The following RARB variants were observed in gnomAD, a reference collection of about 807,000 sequenced individuals.
RARB encodes the protein retinoic acid receptor beta, also known as HBV-activated protein.
A neutral mutation model predicts 51.9 loss-of-function variants in RARB; 17 were observed. The observed-to-expected ratio is 0.33, with a 90% CI of 0.22 to 0.49. RARB has a LOEUF of 0.49. Among genes scored for constraint, RARB ranks in the 20% least tolerant of loss-of-function variants. RARB has a pLI of 0.99. For synonymous variants in RARB, 215 were observed against 195.4 expected (o/e 1.10, Z -0.84); for missense variants, 369 against 550.8 (o/e 0.67, Z 3.30).
At chr3:25,323,973 T>G (rs1353161163) in intron 5 of RARB, among the ~76,000 whole-genome samples, 1 of 151,926 alleles carries the variant, frequency 6.6e-6, no homozygotes, top group Non-Finnish European at 1.5e-5. Flanking sequence ...TCTGCTAAAC[T>G]AGAAAGCAAA....
chr3:25,153,693 G>A (rs1365910129), intron 4 of RARB, among the ~76,000 whole-genome samples: 1 of 152,208 alleles, frequency 6.6e-6, no homozygotes, highest in Admixed American at 6.5e-5. Context: ...CATTAACAAT[G>A]CATATTATGT....
Position 25,007,600 on chromosome 3 carries a change from AAAAAC to A in RARB, c.-379-52520_-379-52516del, listed in dbSNP as rs1476624930. On this transcript the variant is annotated intron_variant, in intron 2 of 11. Transcript: ENST00000383772. ...ACAGAGTGAGACTGTCTCAAAAAAA[AAAAAC>A]AAAAAAACCTCATATTTTCTGAAAG... 4.2e-5 allele frequency among the ~76,000 whole-genome samples: 6 copies of A among 143,258 alleles called. 1 individual carries two copies. Among genetic ancestry groups the A allele is most frequent in the African/African-American group, 1.6e-4 (6 of 36,392 alleles). 94.0% of individuals were successfully genotyped at this position (143,258 alleles called of 152,430 possible).
intron 5 of RARB, among the ~76,000 whole-genome samples, chr3:25,372,330 C>G (rs1393389298): frequency 6.6e-6 from 1 of 152,122 alleles, no homozygotes; most frequent in Admixed American, 6.5e-5. Flanking sequence ...CCATGTCAAC[C>G]AAAAATATTT....
Position 25,096,571 on chromosome 3 carries a change from A to G in RARB, c.-327-35590A>G, listed in dbSNP as rs9819613. Among the ~76,000 whole-genome samples, 751 of 152,306 alleles carry G rather than the reference A, an allele frequency of 4.9e-3. 9 individuals carry two copies. Among genetic ancestry groups the G allele is most frequent in the African/African-American group, 0.018 (729 of 41,586 alleles). On this transcript the variant is annotated intron_variant, in intron 3 of 11. Coordinates refer to the RARB transcript ENST00000383772. ...AATAACTGACTTTTTTGACTCTGAC[A>G]TCATTTGACGTTTTCTGTTTCCCTC...
chr3:25,264,030 A>T (rs1703067882), intron 5 of RARB, among the ~76,000 whole-genome samples: 1 of 152,124 alleles, frequency 6.6e-6, no homozygotes, highest in Non-Finnish European at 1.5e-5. Context: ...ACGTTTTCAG[A>T]CGACTCCCAT....
At chr3:24,839,851 TA>T (rs1217447030) in intron 1 of RARB, among the ~76,000 whole-genome samples, 1 of 152,124 alleles carries the variant, frequency 6.6e-6, no homozygotes, top group Non-Finnish European at 1.5e-5. Flanking sequence ...AAAATAATTT[TA>T]AAAGAATGAA....
chr3:25,352,653 C>G (rs933887850), intron 5 of RARB, among the ~76,000 whole-genome samples: 1 of 152,144 alleles, frequency 6.6e-6, no homozygotes, highest in Non-Finnish European at 1.5e-5. Context: ...TCATTTTTCT[C>G]AAAATGGACC....
At chr3:25,331,158 C>T (rs1704882730) in intron 5 of RARB, among the ~76,000 whole-genome samples, 3 of 152,182 alleles carry the variant, frequency 2.0e-5, no homozygotes, top group Non-Finnish European at 4.4e-5. Context: ...TTGAATTCAG[C>T]TCTGCACCAA....
intron 5 of RARB, among the ~76,000 whole-genome samples, chr3:25,409,508 G>A (rs1340570504): frequency 2.6e-5 from 4 of 152,016 alleles, no homozygotes; most frequent in East Asian, 1.9e-4. Flanking sequence ...AACCTTCTCC[G>A]GTCACCTTGA....
intron 2 of RARB, among the ~76,000 whole-genome samples, chr3:25,498,307 C>CT (rs1480057478): frequency 1.3e-5 from 2 of 152,124 alleles, no homozygotes; most frequent in Non-Finnish European, 2.9e-5. Context: ...AAGCAGTGGT[C>CT]TACAAGGGAG....
At chr3:25,493,775 ATAGTG>A (rs1696866012) in intron 2 of RARB, among the ~76,000 whole-genome samples, 1 of 152,232 alleles carries the variant, frequency 6.6e-6, no homozygotes, top group Non-Finnish European at 1.5e-5. Flanking sequence ...ACAACTAAAT[ATAGTG>A]CCAAATTGCC....
intron 5 of RARB, among the ~76,000 whole-genome samples, chr3:25,248,692 T>C (rs1559330895): frequency 6.6e-6 from 1 of 152,176 alleles, no homozygotes; most frequent in Admixed American, 6.5e-5. Flanking sequence ...GTCCTCCTTT[T>C]ATAAAGGATA....
chr3:25,228,562 A>G (rs1053284455), intron 5 of RARB, among the ~76,000 whole-genome samples: 1 of 151,156 alleles, frequency 6.6e-6, no homozygotes, highest in African/African-American at 2.4e-5. Context: ...ATTTTCTTCC[A>G]TTTTTTTAAT....
rs114926990 is a variant in RARB at position 25,198,126 on chromosome 3, T to C, written c.178+23551T>C. On this transcript the variant is annotated intron_variant, in intron 5 of 11. Coordinates refer to the RARB transcript ENST00000383772. ...GAATCCAGGAATAAATCCCATCATC[T>C]ACAGTGAAATCATATTCAGCAAAGC... is the stretch of plus-strand genomic sequence containing the variant. Among the ~76,000 whole-genome samples, 1,425 of 152,228 alleles carry C rather than the reference T, an allele frequency of 9.4e-3. 19 individuals are homozygous for C. The highest frequency in any genetic ancestry group is 0.033 in the African/African-American group (1,375 of 41,544).
chr3:25,259,594 C>T (rs1315093938), intron 5 of RARB, among the ~76,000 whole-genome samples: 3 of 152,140 alleles, frequency 2.0e-5, no homozygotes, highest in Non-Finnish European at 4.4e-5. Context: ...CTGGACTTCA[C>T]ATGAGCAAAA....
intron 4 of RARB, among the ~76,000 whole-genome samples, chr3:25,169,638 T>C (rs565766505): frequency 6.6e-6 from 1 of 152,320 alleles, no homozygotes; most frequent in African/African-American, 2.4e-5. Context: ...GAGGTTTCTA[T>C]GTGTGGGCAA....
chr3:25,101,965 C>T (rs1195098886), intron 3 of RARB, among the ~76,000 whole-genome samples: 1 of 152,114 alleles, frequency 6.6e-6, no homozygotes, highest in Admixed American at 6.6e-5. Flanking sequence ...ACTCGGAGGA[C>T]ATGAAGTTTG....
chr3:24,902,306 A>G (rs779134830), intron 2 of RARB, among the ~76,000 whole-genome samples: 1 of 152,176 alleles, frequency 6.6e-6, no homozygotes, highest in African/African-American at 2.4e-5. Flanking sequence ...TAACTTGTGA[A>G]TGCTTCATGA....
At chr3:25,472,926 C>A (rs1346863939) in intron 2 of RARB, among the ~76,000 whole-genome samples, 1 of 152,164 alleles carries the variant, frequency 6.6e-6, no homozygotes, top group African/African-American at 2.4e-5. Flanking sequence ...ACATATGTCT[C>A]TCATTAGGAC....
Sources: gnomAD v4.1 joint callset for allele counts (sites outside exome capture counted in the v4.1 genomes callset) on GRCh38, gnomAD v4.1.1 for gene constraint, MANE v1.5 for transcripts, NCBI Gene and HGNC (gene_info 2026-07-23, HGNC 2026-07-21) for gene names.